ASAP1: variants seen among roughly 807,000 people sequenced by gnomAD.
ASAP1 encodes the protein arf-GAP with SH3 domain, ANK repeat and PH domain-containing protein 1.
A neutral mutation model predicts 145.2 loss-of-function variants in ASAP1; 43 were observed. That is an observed-to-expected ratio of 0.30 (90% CI 0.23 to 0.38). The LOEUF (loss-of-function observed/expected upper bound fraction) is 0.38, where lower values mean the gene tolerates loss of function less well. Ranked by LOEUF, ASAP1 falls within the 10% of genes least tolerant of loss-of-function variation. The pLI, the probability that ASAP1 is intolerant of heterozygous loss-of-function variation, is 1.00. For synonymous variants in ASAP1, 546 were observed against 515.5 expected (o/e 1.06, Z -0.80); for missense variants, 1,018 against 1,355.3 (o/e 0.75, Z 3.91).
chr8:130,186,115 G>A (rs1398670147), intron 7 of ASAP1, among the ~76,000 whole-genome samples: 1 of 151,958 alleles, frequency 6.6e-6, no homozygotes. Flanking sequence ...TTGTCTCTGG[G>A]CAGCGGCAGT....
chr8:130,098,870 C>T (rs986277603), intron 24 of ASAP1, among the ~76,000 whole-genome samples: 9 of 152,128 alleles, frequency 5.9e-5, no homozygotes, highest in Non-Finnish European at 1.3e-4. Context: ...TGTTACAGAA[C>T]ACAGGAACTT....
intron 13 of ASAP1, among the ~76,000 whole-genome samples, chr8:130,137,320 A>C (rs2097597322): frequency 6.6e-6 from 1 of 152,228 alleles, no homozygotes; most frequent in Non-Finnish European, 1.5e-5. Context: ...AAAAAAAATT[A>C]GGTGTCCTAC....
At chr8:130,187,338 A>G in intron 6 of ASAP1, 53 bp from the exon 7 acceptor site, 1 of 1,420,196 alleles carries the variant, frequency 7.0e-7, no homozygotes, top group African/African-American at 1.4e-5. Flanking sequence ...CTGAAAATTA[A>G]TAAATAGTTT....
intron 20 of ASAP1, among the ~76,000 whole-genome samples, chr8:130,117,263 G>C (rs2097557762): frequency 6.6e-6 from 1 of 151,996 alleles, no homozygotes; most frequent in Non-Finnish European, 1.5e-5. Context: ...TATATGATGG[G>C]GTAAATACTA....
At chr8:130,425,621 G>T (rs1829888429) in intron 1 of ASAP1, among the ~76,000 whole-genome samples, 1 of 152,160 alleles carries the variant, frequency 6.6e-6, no homozygotes, top group African/African-American at 2.4e-5. Flanking sequence ...GTTTTGAAAA[G>T]GTTAAGCATA....
intron 3 of ASAP1, among the ~76,000 whole-genome samples, chr8:130,268,084 G>T (rs1420451345): frequency 6.6e-6 from 1 of 152,104 alleles, no homozygotes; most frequent in East Asian, 1.9e-4. Context: ...AGATCTGATG[G>T]TATCAGCCAA....
At chr8:130,297,066 G>C (rs962772710) in intron 3 of ASAP1, among the ~76,000 whole-genome samples, 3 of 152,172 alleles carry the variant, frequency 2.0e-5, no homozygotes, top group Admixed American at 1.3e-4. Context: ...ACAGCTGTGT[G>C]GGGGGTTAAA....
chr8:130,214,851 G>T, intron 4 of ASAP1, 150 bp from the exon 5 acceptor site: 1 of 624,044 alleles, frequency 1.6e-6, no homozygotes, highest in Non-Finnish European at 2.6e-6. Flanking sequence ...TAGGTTAGGA[G>T]TACACTAAAT....
At chr8:130,275,113 T>C (rs758951410) in intron 3 of ASAP1, among the ~76,000 whole-genome samples, 6 of 152,206 alleles carry the variant, frequency 3.9e-5, no homozygotes, top group African/African-American at 1.4e-4. Context: ...CATCTCTAGA[T>C]CTTAGACAAG....
chr8:130,093,188 G>A (rs1227806177), intron 24 of ASAP1, among the ~76,000 whole-genome samples: 2 of 152,128 alleles, frequency 1.3e-5, no homozygotes, highest in Non-Finnish European at 2.9e-5. Flanking sequence ...ACACAAAAAT[G>A]GGGTTCGTTT....
chr8:130,143,246 T>A (rs2097616990), intron 13 of ASAP1, among the ~76,000 whole-genome samples: 1 of 152,218 alleles, frequency 6.6e-6, no homozygotes, highest in South Asian at 2.1e-4. Context: ...CTTGTCCTTT[T>A]ATAGGTTTCA....
At chr8:130,323,932 A>G (rs1824170791) in intron 3 of ASAP1, among the ~76,000 whole-genome samples, 1 of 152,112 alleles carries the variant, frequency 6.6e-6, no homozygotes, top group African/African-American at 2.4e-5. Context: ...TGCAGGAGCA[A>G]TTGTCCTTTC....
chr8:130,270,230 C>T (rs1423731907), intron 3 of ASAP1, among the ~76,000 whole-genome samples: 1 of 152,088 alleles, frequency 6.6e-6, no homozygotes, highest in East Asian at 1.9e-4. Context: ...CAATAAAGTA[C>T]CAAGCTAAGT....
rs191806032 is a variant in ASAP1, at chr8:130,145,464, C to T, written c.1080+7272G>A. ...TCCCGAGTAGCTGGGATTACAGGCA[C>T]GCGCCACCACACCCGGCTACTTTTC... On this transcript the variant is annotated intron_variant, in intron 13 of 29. Transcript: ENST00000518721. Among the ~76,000 whole-genome samples, 17 of 151,942 alleles carry T rather than the reference C, an allele frequency of 1.1e-4. No individual in the cohort carries two copies. The South Asian group carries it at 2.1e-3, about 19-fold the overall frequency.
chr8:130,340,885 C>CCT, intron 3 of ASAP1: 1 of 456,066 alleles, frequency 2.2e-6, no homozygotes, highest in Non-Finnish European at 4.4e-6. Flanking sequence ...TTGAGGCTGA[C>CCT]CAATCATTGC....
At position 130,413,544 on chromosome 8, in the gene ASAP1, A is replaced by G. The variant is rs570606409; in HGVS notation, c.-27-11574T>C. 3.8e-4 allele frequency among the ~76,000 whole-genome samples: 58 copies of G among 152,376 alleles called. 1 individual carries two copies. Among genetic ancestry groups the G allele is most frequent in the Admixed American group, 2.6e-3 (40 of 15,308 alleles). On this transcript the variant is annotated intron_variant, in intron 1 of 29. Coordinates refer to ENST00000518721, the MANE Select transcript of ASAP1 (RefSeq NM_018482.4). The stretch of plus-strand genomic sequence containing the variant: ...AGACATCTCAGAATCAAAGGAAATA[A>G]AGTATATCTAAGAAATGTTCAAATC...
At chr8:130,380,084 G>C (rs1286713620) in intron 2 of ASAP1, among the ~76,000 whole-genome samples, 2 of 152,200 alleles carry the variant, frequency 1.3e-5, no homozygotes, top group Non-Finnish European at 2.9e-5. Flanking sequence ...TACCTGTTGG[G>C]CACCCCAGGT....
intron 27 of ASAP1, among the ~76,000 whole-genome samples, chr8:130,069,349 C>G (rs1416999327): frequency 6.6e-6 from 1 of 152,218 alleles, no homozygotes; most frequent in Non-Finnish European, 1.5e-5. Flanking sequence ...AATCCTCCCA[C>G]TTCGGCCTCC....
intron 4 of ASAP1, among the ~76,000 whole-genome samples, chr8:130,232,548 C>T (rs973672907): frequency 1.3e-5 from 2 of 151,286 alleles, no homozygotes; most frequent in African/African-American, 4.9e-5. Context: ...TGTCCTCATA[C>T]ACAACAAGGA....
Sources: gnomAD v4.1 joint callset for allele counts (sites outside exome capture counted in the v4.1 genomes callset) on GRCh38, gnomAD v4.1.1 for gene constraint, MANE v1.5 for transcripts, NCBI Gene and HGNC (gene_info 2026-07-23, HGNC 2026-07-21) for gene names.